Variants in MMP9 observed in about 807,000 individuals in gnomAD.
MMP9 encodes matrix metalloproteinase-9.
In MMP9, 73 loss-of-function variants were observed where a neutral mutation model predicts 76.4. The observed-to-expected ratio is 0.96, with a 90% CI of 0.79 to 1.16. MMP9 has a LOEUF of 1.16. Ranked by LOEUF, MMP9 falls within the 50% of genes most tolerant of loss-of-function variation. The pLI is 0.00. For missense variants in MMP9, 943 were observed against 973.0 expected (o/e 0.97, Z 0.41); for synonymous variants, 412 against 408.4 (o/e 1.01, Z -0.11).
chr20:46,011,195 C>T lies in MMP9; in HGVS notation c.702C>T (p.Phe234=). 6.2e-7 allele frequency: 1 copy of T among 1,614,182 alleles called. No homozygotes were observed. Among genetic ancestry groups the T allele is most frequent in the East Asian group, 2.2e-5 (1 of 44,886 alleles). The change falls in exon 5 of 13, where the codon TTC becomes TTT. Residue 234 remains phenylalanine, a synonymous_variant. Transcript: ENST00000372330. Reference sequence around the variant, plus strand: ...ATGGCGCGGCCTGCCACTTCCCCTTCATCTTCGAGGGCCGCTCCTACTCTG... The same window carrying T: ...ATGGCGCGGCCTGCCACTTCCCCTTTATCTTCGAGGGCCGCTCCTACTCTG... The part of the protein sequence containing the change: ...NADGAACHFP[F]IFEGRSYSAC...
Position 46,016,371 on chromosome 20 carries a change from C to T in MMP9, c.*3C>T, listed in dbSNP as rs20544. ...TCCTGCAGTGCCCTGAGGACTAGGG[C>T]TCCCGTCCTGCTTTGGCAGTGCCAT... On this transcript the variant is annotated 3_prime_UTR_variant, in exon 13 of 13. Coordinates refer to ENST00000372330, the MANE Select transcript of MMP9 (RefSeq NM_004994.3). 0.52 allele frequency: 831,650 copies of T among 1,611,636 alleles called. 230,116 individuals carry two copies. Among genetic ancestry groups the T allele is most frequent in the Non-Finnish European group, 0.58 (684,434 of 1,177,976 alleles).
Position 46,014,219 on chromosome 20 carries a change from G to T in MMP9, c.1846G>T (p.Ala616Ser), listed in dbSNP as rs1487439307. 1 of 1,536,116 alleles carries T rather than the reference G, an allele frequency of 6.5e-7. No homozygotes were observed. Among genetic ancestry groups the T allele is most frequent in the South Asian group, 1.2e-5 (1 of 83,754 alleles). Residue 616 changes from alanine (A) to serine (S), a missense_variant, in exon 11 of 13, where the codon GCC (alanine) becomes TCC (serine). Coordinates refer to ENST00000372330, the MANE Select transcript of MMP9 (RefSeq NM_004994.3). ...LGADVAQVTG[A>S]LRSGRGKMLL... ...AGCCGACGTGGCCCAGGTGACCGGG[G>T]CCCTCCGGAGTGGCAGGGGGAAGAT...
In MMP9 at chr20:46,011,995, C is replaced by T. The variant is rs796721272; in HGVS notation, c.998-142C>T. 4.4e-5 allele frequency: 53 copies of T among 1,199,314 alleles called. No homozygotes were observed. In the African/African-American group the frequency reaches 6.5e-4, roughly 15 times the overall value. The allele number at this position is 1,199,314 out of a possible 1,614,324, so 74.3% of individuals were successfully genotyped here. On this transcript the variant is annotated intron_variant, in intron 6 of 12. Transcript: ENST00000372330. ...TTCCTTGGTCTGGTGTCCCAGGCAC[C>T]GCCCACGGGTCTAGCCTCTTCTCAG...
chr20:46,015,402 T>G (rs944993674), intron 12 of MMP9, among the ~76,000 whole-genome samples: 4 of 152,172 alleles, frequency 2.6e-5, no homozygotes, highest in African/African-American at 9.7e-5. Context: ...ATCTATTTAC[T>G]TGTTTTTATT....
rs2084285989 is a variant in MMP9 at position 46,012,285 on chromosome 20, CAAG to C, written c.1150_1152del (p.Lys384del). 1 of 1,613,802 alleles carries C rather than the reference CAAG, an allele frequency of 6.2e-7. No homozygotes were observed. The highest frequency in any genetic ancestry group is 8.5e-7 in the Non-Finnish European group (1 of 1,180,046). ...CTACCACCTCGAACTTTGACAGCGA[CAAG>C]AAGTGGGGCTTCTGCCCGGACCAAG... On this transcript the variant is annotated inframe_deletion, in exon 7 of 13. Coordinates refer to ENST00000372330, the MANE Select transcript of MMP9 (RefSeq NM_004994.3).
At position 46,016,524 on chromosome 20, in the gene MMP9, T is replaced by C; in HGVS notation, c.*156T>C. 1 of 691,932 alleles carries C rather than the reference T, an allele frequency of 1.4e-6. No individual in the cohort carries two copies. Among genetic ancestry groups the C allele is most frequent in the East Asian group, 2.7e-5 (1 of 36,650 alleles). 42.9% of individuals were successfully genotyped at this position (691,932 alleles called of 1,614,324 possible). ...CTCTCTTCTCACCTTTGTTTTTTGT[T>C]GGAGTGTTTCTAATAAACTTGGATT... On this transcript the variant is annotated 3_prime_UTR_variant, in exon 13 of 13. Coordinates refer to ENST00000372330, the MANE Select transcript of MMP9 (RefSeq NM_004994.3).
intron 1 of MMP9, 134 bp from the exon 2 acceptor site, chr20:46,009,732 G>A (rs2084262988): frequency 1.3e-6 from 1 of 786,882 alleles, no homozygotes; most frequent in Admixed American, 2.1e-5. Flanking sequence ...AGGCTGCAGT[G>A]GGCTGATACC....
intron 12 of MMP9, chr20:46,014,696 TTTCTCC>T: frequency 1.6e-6 from 1 of 610,006 alleles, no homozygotes; most frequent in Admixed American, 2.7e-5. Context: ...CTGGAAGCTC[TTTCTCC>T]TTCAGTACAG....
intron 6 of MMP9, 101 bp downstream of exon 6, chr20:46,011,848 A>AT: frequency 7.1e-7 from 1 of 1,411,150 alleles, no homozygotes; most frequent in Admixed American, 2.0e-5. Context: ...TTCCACTCTC[A>AT]TTGGTCCTCA....
In MMP9 at chr20:46,010,321, C is replaced by CAAAAAAGAAAAAA. The variant is rs2084268159; in HGVS notation, c.372-156_372-155insGAAAAAAAAAAAA. Among the ~76,000 whole-genome samples, 2 of 62,504 alleles carry CAAAAAAGAAAAAA rather than the reference C, an allele frequency of 3.2e-5. 1 individual carries two copies. The highest frequency in any genetic ancestry group is 5.5e-5 in the Non-Finnish European group (2 of 36,280). 41.0% of individuals were successfully genotyped at this position (62,504 alleles called of 152,430 possible). ...GGGCCATTGTGAGGGTCTAAGTAGA[C>CAAAAAAGAAAAAA]AAAAAAAAAAAAAAAAAAAACAGTC... On this transcript the variant is annotated intron_variant, in intron 2 of 12. Coordinates refer to ENST00000372330, the MANE Select transcript of MMP9 (RefSeq NM_004994.3).
In MMP9 at chr20:46,008,975, T is replaced by G. The variant is rs764157311; in HGVS notation, c.49T>G (p.Cys17Gly). The G allele has an allele frequency of 6.2e-7, 1 of 1,614,038 alleles. No homozygotes were observed. Among genetic ancestry groups the G allele is most frequent in the Non-Finnish European group, 8.5e-7 (1 of 1,179,974 alleles). Reference protein sequence around the residue: ...LVLVLLVLGCCFAAPRQRQST... With the variant: ...LVLVLLVLGCGFAAPRQRQST... ...CCTGGTGCTCCTGGTGCTGGGCTGC[T>G]GCTTTGCTGCCCCCAGACAGCGCCA... is the stretch of plus-strand genomic sequence containing the variant. Residue 17 changes from cysteine (C) to glycine (G), a missense_variant, in exon 1 of 13, where the codon TGC (cysteine) becomes GGC (glycine). By Grantham distance (159) the Cys-to-Gly change is radical. Coordinates refer to ENST00000372330, the MANE Select transcript of MMP9 (RefSeq NM_004994.3).
intron 2 of MMP9, among the ~76,000 whole-genome samples, 157 bp from the exon 3 acceptor site, chr20:46,010,326 A>AGAACAAACAAAC: frequency 1.0e-5 from 1 of 98,626 alleles, no homozygotes; most frequent in East Asian, 9.0e-4. Context: ...GTAGACAAAA[A>AGAACAAACAAAC]AAAAAAAAAA....
chr20:46,010,562 G>C lies in MMP9; in HGVS notation c.451G>C (p.Val151Leu), dbSNP rs753159137. ...CCGCGCCTTCGCACTGTGGAGCGCG[G>C]TGACGCCGCTCACCTTCACTCGCGT... ...FARAFALWSA[V>L]TPLTFTRVYS... Residue 151 changes from valine (V) to leucine (L), a missense_variant, in exon 3 of 13, where the codon GTG (valine) becomes CTG (leucine). Transcript: ENST00000372330. 6.2e-7 allele frequency: 1 copy of C among 1,614,194 alleles called. No homozygotes were observed. Among genetic ancestry groups the C allele is most frequent in the Non-Finnish European group, 8.5e-7 (1 of 1,180,036 alleles).
At chr20:46,012,090 T>G in intron 6 of MMP9, 47 bp from the exon 7 acceptor site, 2 of 1,605,944 alleles carry the variant, frequency 1.2e-6, no homozygotes, top group Non-Finnish European at 8.5e-7. Context: ...CCTGACTCCT[T>G]ATTGGACTCA....
chr20:46,013,159 AGAG>A lies in MMP9; in HGVS notation c.1331-91_1331-89del. The A allele has an allele frequency of 7.0e-7, 1 of 1,433,788 alleles. No individual in the cohort carries two copies. The allele number at this position is 1,433,788 out of a possible 1,614,324, so 88.8% of individuals were successfully genotyped here. ...CTGAGTGAGGAGGGGCCTGTGTGCC[AGAG>A]GAGGCTTCACTGAGAAGCTTAGGGG... On this transcript the variant is annotated intron_variant, in intron 8 of 12. Coordinates refer to ENST00000372330, the MANE Select transcript of MMP9 (RefSeq NM_004994.3). This position sits in a 1 kb window ranked among gnomAD's most constrained non-coding sequence, Gnocchi z 4.5.
chr20:46,010,321 C>CAAAAAAGAAAAAAAAAAAAAAAAA (rs2084268159), intron 2 of MMP9, among the ~76,000 whole-genome samples, 162 bp from the exon 3 acceptor site: 1 of 62,502 alleles, frequency 1.6e-5, no homozygotes, highest in African/African-American at 8.7e-5. Context: ...TCTAAGTAGA[C>CAAAAAAGAAAAAAAAAAAAAAAAA]AAAAAAAAAA....
At position 46,013,974 on chromosome 20, in the gene MMP9, G is replaced by C; in HGVS notation, c.1751-150G>C. On this transcript the variant is annotated intron_variant, in intron 10 of 12. Transcript: ENST00000372330. This position sits in a 1 kb window ranked among gnomAD's most constrained non-coding sequence, Gnocchi z 4.5. ...TCTGCCCCCTCCTCTCCACGCCCTC[G>C]CGTCGCTCTACCCAGCGCCTCTGCC... 7.1e-7 allele frequency: 1 copy of C among 1,405,104 alleles called. No homozygotes were observed. The highest frequency in any genetic ancestry group is 9.6e-7 in the Non-Finnish European group (1 of 1,040,706). The allele number at this position is 1,405,104 out of a possible 1,614,324, so 87.0% of individuals were successfully genotyped here. A position where few individuals can be genotyped will look rare whatever the true frequency, so the allele number is the denominator to read the frequency against.
At chr20:46,012,623 G>T in intron 8 of MMP9, 41 bp downstream of exon 8, 1 of 1,610,178 alleles carries the variant, frequency 6.2e-7, no homozygotes, top group Non-Finnish European at 8.5e-7. Flanking sequence ...GGGAAAGGGC[G>T]TGGCTGTGCC....
At position 46,012,589 on chromosome 20, in the gene MMP9, C is replaced by G. The variant is rs200544587; in HGVS notation, c.1330+7C>G. 3.7e-6 allele frequency: 6 copies of G among 1,611,800 alleles called. No individual in the cohort carries two copies. The highest frequency in any genetic ancestry group is 5.1e-6 in the Non-Finnish European group (6 of 1,179,694). On this transcript the variant is annotated splice_region_variant and intron_variant, in intron 8 of 12. Coordinates refer to ENST00000372330, the MANE Select transcript of MMP9 (RefSeq NM_004994.3). ...GGCATCCGGCACCTCTATGGTGAGGCAGGGGCAGGGATGGGAGGAGGAGGG... is the reference window on the plus strand; with the variant it reads ...GGCATCCGGCACCTCTATGGTGAGGGAGGGGCAGGGATGGGAGGAGGAGGG...
Sources: allele counts gnomAD v4.1 joint callset (sites outside exome capture counted in the v4.1 genomes callset), GRCh38; gene constraint gnomAD v4.1.1; non-coding constraint Gnocchi (gnomAD v3.1); transcripts MANE v1.5; gene names NCBI Gene and HGNC (gene_info 2026-07-23, HGNC 2026-07-21).